AGBL4: variants seen among roughly 807,000 people sequenced by gnomAD.
AGBL4 encodes the protein cytosolic carboxypeptidase 6.
AGBL4 carries 58 observed loss-of-function variants against 66.4 expected under a neutral mutation model. The observed-to-expected ratio is 0.87, with a 90% CI of 0.71 to 1.09. The LOEUF (loss-of-function observed/expected upper bound fraction) is 1.09, where lower values mean the gene tolerates loss of function less well. Among genes scored for constraint, AGBL4 ranks in the 50% least tolerant of loss-of-function variants. AGBL4 has a pLI of 0.00. For synonymous variants in AGBL4, 234 were observed against 222.9 expected, an observed-to-expected ratio of 1.05 and a Z score of -0.44; for missense variants, 579 against 631.0, an observed-to-expected ratio of 0.92 and a Z score of 0.88.
chr1:48,970,215 G>C (rs1658792940), intron 5 of AGBL4, among the ~76,000 whole-genome samples: 1 of 152,088 alleles, frequency 6.6e-6, no homozygotes, highest in Admixed American at 6.5e-5. Context: ...TGGTGCCTTG[G>C]AAAGCCTCAC....
chr1:49,090,014 A>G lies in AGBL4; in HGVS notation c.378-44214T>C, dbSNP rs186469566. 2.1e-4 allele frequency among the ~76,000 whole-genome samples: 32 copies of G among 152,306 alleles called. No individual in the cohort carries two copies. In the East Asian group the frequency reaches 5.6e-3, roughly 27 times the overall value. ...AACTACATCGTCTCAATAGATGCAG[A>G]AAAAGCTTTTGATAAAAATCAGCAT... On this transcript the variant is annotated intron_variant, in intron 4 of 13. Coordinates refer to ENST00000371839, the MANE Select transcript of AGBL4 (RefSeq NM_032785.4).
At chr1:49,394,004 AT>A (rs985276770) in intron 3 of AGBL4, among the ~76,000 whole-genome samples, 3 of 152,144 alleles carry the variant, frequency 2.0e-5, no homozygotes, top group Admixed American at 6.6e-5. Flanking sequence ...AAATAGAAGC[AT>A]TTTAAGACAA....
chr1:48,817,713 G>T, intron 6 of AGBL4: 1 of 268,726 alleles, frequency 3.7e-6, no homozygotes, highest in Non-Finnish European at 7.0e-6. Context: ...GCCCCCACCT[G>T]TCTGGAGCCA....
chr1:48,888,614 C>T (rs569777414), intron 5 of AGBL4, among the ~76,000 whole-genome samples: 1 of 152,282 alleles, frequency 6.6e-6, no homozygotes, highest in African/African-American at 2.4e-5. Context: ...TTGCAAGTTT[C>T]CTGAGGAATC....
chr1:49,755,009 T>A (rs988580301), intron 2 of AGBL4, among the ~76,000 whole-genome samples: 6 of 152,202 alleles, frequency 3.9e-5, no homozygotes, highest in African/African-American at 1.4e-4. Flanking sequence ...CTGTAGATGG[T>A]AATCTGCTTT....
At chr1:49,445,728 C>T (rs777696310) in intron 3 of AGBL4, among the ~76,000 whole-genome samples, 1 of 151,898 alleles carries the variant, frequency 6.6e-6, no homozygotes, top group African/African-American at 2.4e-5. Context: ...TTTAAAAATA[C>T]CTATCTCTTT....
intron 3 of AGBL4, among the ~76,000 whole-genome samples, chr1:49,647,220 C>T (rs1192909580): frequency 1.3e-5 from 2 of 151,956 alleles, no homozygotes; most frequent in Non-Finnish European, 2.9e-5. Context: ...CAAGGCTTCC[C>T]ATTTCCAGCC....
At chr1:49,004,227 A>G (rs985147098) in intron 5 of AGBL4, among the ~76,000 whole-genome samples, 3 of 152,214 alleles carry the variant, frequency 2.0e-5, no homozygotes, top group Admixed American at 1.3e-4. Context: ...TTCACTCTCA[A>G]TATGAGCTGA....
chr1:49,718,993 G>T (rs1648384332), intron 2 of AGBL4, among the ~76,000 whole-genome samples: 1 of 152,048 alleles, frequency 6.6e-6, no homozygotes, highest in African/African-American at 2.4e-5. Context: ...AGAACAACAT[G>T]TAACTAAAAA....
At chr1:49,407,239 T>G (rs1402624073) in intron 3 of AGBL4, among the ~76,000 whole-genome samples, 1 of 152,098 alleles carries the variant, frequency 6.6e-6, no homozygotes, top group Non-Finnish European at 1.5e-5. Context: ...CATCATCCAA[T>G]CAAGTTAAAG....
intron 3 of AGBL4, among the ~76,000 whole-genome samples, chr1:49,646,716 T>C (rs147444912): frequency 7.3e-4 from 111 of 152,126 alleles, no homozygotes; most frequent in South Asian, 2.1e-3. Flanking sequence ...GAATCCAGAA[T>C]AGCCAAAACA....
intron 5 of AGBL4, among the ~76,000 whole-genome samples, chr1:48,934,441 T>C (rs1031055467): frequency 3.9e-5 from 6 of 152,164 alleles, no homozygotes; most frequent in African/African-American, 2.4e-5. Flanking sequence ...GGAGGATATA[T>C]TACATGTCCA....
intron 1 of AGBL4, among the ~76,000 whole-genome samples, chr1:49,898,840 C>A (rs1169594204): frequency 6.6e-6 from 1 of 152,130 alleles, no homozygotes. Flanking sequence ...CTAGAGGTCA[C>A]TGTGTTAAGT....
At chr1:48,605,665 T>C (rs1326271080) in intron 9 of AGBL4, among the ~76,000 whole-genome samples, 1 of 152,228 alleles carries the variant, frequency 6.6e-6, no homozygotes, top group Non-Finnish European at 1.5e-5. Context: ...AGGTCCAACA[T>C]CTAGCGCAGT....
chr1:49,730,512 T>TG (rs1467477351), intron 2 of AGBL4, among the ~76,000 whole-genome samples: 3 of 152,218 alleles, frequency 2.0e-5, no homozygotes, highest in Non-Finnish European at 4.4e-5. Context: ...TGGCATTCCC[T>TG]GGGGGCTCAG....
chr1:49,530,728 A>G (rs1651074770), intron 3 of AGBL4, among the ~76,000 whole-genome samples: 2 of 152,096 alleles, frequency 1.3e-5, no homozygotes, highest in South Asian at 4.1e-4. Flanking sequence ...TAAAACTAAG[A>G]AAGTCCAAGG....
At chr1:49,062,235 C>G (rs1475734975) in intron 4 of AGBL4, among the ~76,000 whole-genome samples, 7 of 152,184 alleles carry the variant, frequency 4.6e-5, no homozygotes, top group African/African-American at 4.8e-5. Context: ...GACCACTGCT[C>G]TAGAGATTCT....
chr1:48,912,228 A>C (rs979651885), intron 5 of AGBL4, among the ~76,000 whole-genome samples: 4 of 152,130 alleles, frequency 2.6e-5, no homozygotes, highest in Admixed American at 6.5e-5. Flanking sequence ...TTTATCCTGT[A>C]TAGCATCGGT....
intron 1 of AGBL4, among the ~76,000 whole-genome samples, chr1:49,875,365 T>A (rs1007477569): frequency 1.4e-3 from 175 of 122,922 alleles, no homozygotes; most frequent in Admixed American, 3.2e-3. Context: ...GTCCATGTGA[T>A]CTCATTGTTC....
Sources: gnomAD v4.1 joint callset for allele counts (sites outside exome capture counted in the v4.1 genomes callset) on GRCh38, gnomAD v4.1.1 for gene constraint, MANE v1.5 for transcripts, NCBI Gene and HGNC (gene_info 2026-07-23, HGNC 2026-07-21) for gene names.